The following AWAT2 variants were observed in gnomAD, a reference collection of about 807,000 sequenced individuals.
AWAT2 encodes 11-cis-RE-synthase.
In AWAT2, 9 loss-of-function variants were observed where a neutral mutation model predicts 22.3. That is an observed-to-expected ratio of 0.40 (90% CI 0.24 to 0.70). The LOEUF (loss-of-function observed/expected upper bound fraction) is 0.70, where lower values mean the gene tolerates loss of function less well. AWAT2 is among the 30% of genes least tolerant of loss of function. The pLI is 0.36. For missense variants in AWAT2, 217 were observed against 265.9 expected (o/e 0.82, Z 1.28); for synonymous variants, 100 against 93.4 (o/e 1.07, Z -0.40).
At chrX:70,044,255 G>A in intron 2 of AWAT2, 97 bp downstream of exon 2, 1 of 1,148,018 alleles carries the variant, frequency 8.7e-7, no homozygotes, top group Non-Finnish European at 1.2e-6. Context: ...CAGGCTAAAG[G>A]GCTGTCTGGG....
At chrX:70,044,538 A>G in intron 1 of AWAT2, 76 bp from the exon 2 acceptor site, 8 of 1,151,607 alleles carry the variant, frequency 6.9e-6, no homozygotes, top group Non-Finnish European at 9.3e-6. Context: ...AGTTCTGTCC[A>G]CCCCAAGGTC....
Position 70,041,928 on chromosome X carries a change from A to C in AWAT2, c.882T>G (p.Asn294Lys). The change falls in exon 7 of 8, where the codon AAT (asparagine) becomes AAG (lysine). Residue 294 changes from asparagine (N) to lysine (K), a missense_variant. Coordinates refer to ENST00000276101, the MANE Select transcript of AWAT2 (RefSeq NM_001002254.1). Reference protein sequence around the residue: ...GEPLPMPKIENPSQEIVAKYH... With the variant: ...GEPLPMPKIEKPSQEIVAKYH... ...ATTTAGCCACGATCTCCTGGCTTGG[A>C]TTCTCAATCTTGGGCATTGGTAGAG... 8.3e-7 allele frequency: 1 copy of C among 1,211,393 alleles called. No individual in the cohort carries two copies. The highest frequency in any genetic ancestry group is 1.1e-6 in the Non-Finnish European group (1 of 895,097).
chrX:70,044,844 C>T (rs1489729333), intron 1 of AWAT2, among the ~76,000 whole-genome samples: 1 of 112,598 alleles, frequency 8.9e-6, no homozygotes, highest in East Asian at 2.8e-4. Context: ...CTCCAATTCA[C>T]GTCCTCCTCT....
Position 70,041,881 on chromosome X carries a change from G to T in AWAT2, c.929C>A (p.Ala310Asp). 1 of 1,210,029 alleles carries T rather than the reference G, an allele frequency of 8.3e-7. No homozygotes were observed. Among genetic ancestry groups the T allele is most frequent in the Non-Finnish European group, 1.1e-6 (1 of 893,933 alleles). ...ATGCTGGTCAAACAGTTTACGTAGG[G>T]CATCAATATAGAGTGTGTGATATTT... ...VAKYHTLYID[A>D]LRKLFDQHKT... The change falls in exon 7 of 8, where the codon GCC becomes GAC. Residue 310 changes from alanine to aspartate, a missense_variant. Coordinates refer to ENST00000276101, the MANE Select transcript of AWAT2 (RefSeq NM_001002254.1).
Position 70,043,614 on chromosome X carries a change from A to C in AWAT2, c.336T>G (p.Phe112Leu). Reference sequence around the variant, plus strand: ...CAAAGTGGCCAAACCATCCATGGGCAAAGAGCCCATGAGGGTGGCAGACGA... The same window carrying C: ...CAAAGTGGCCAAACCATCCATGGGCCAAGAGCCCATGAGGGTGGCAGACGA... ...YILVCHPHGL[F>L]AHGWFGHFAT... The change falls in exon 4 of 8, where the codon TTT becomes TTG. Residue 112 changes from phenylalanine to leucine, a missense_variant. Coordinates refer to ENST00000276101, the MANE Select transcript of AWAT2 (RefSeq NM_001002254.1). 1 of 1,210,700 alleles carries C rather than the reference A, an allele frequency of 8.3e-7. No homozygotes were observed.
chrX:70,043,361 G>A lies in AWAT2; in HGVS notation c.472+117C>T, dbSNP rs758856958. 3 of 989,400 alleles carry A rather than the reference G, an allele frequency of 3.0e-6. No homozygotes were observed. The African/African-American group carries it at 5.8e-5, about 19-fold the overall frequency. 81.5% of individuals were successfully genotyped at this position (989,400 alleles called of 1,213,427 possible). A position where few individuals can be genotyped will look rare whatever the true frequency, so the allele number is the denominator to read the frequency against. On this transcript the variant is annotated intron_variant, in intron 4 of 7. Coordinates refer to ENST00000276101, the MANE Select transcript of AWAT2 (RefSeq NM_001002254.1). ...CCTAACATCAGGCAGGTGAGCCTAT[G>A]ATAGCTGTTTCACACCAGAGGGGAT...
chrX:70,047,897 C>T (rs992014407), intron 1 of AWAT2, among the ~76,000 whole-genome samples: 7 of 110,475 alleles, frequency 6.3e-5, no homozygotes, highest in African/African-American at 2.3e-4. Context: ...TCCATTTTGT[C>T]CCTGGACTCA....
At chrX:70,048,689 C>G (rs571697668) in intron 1 of AWAT2, among the ~76,000 whole-genome samples, 2 of 111,784 alleles carry the variant, frequency 1.8e-5, no homozygotes, top group African/African-American at 6.5e-5. Context: ...CAAAATGAGG[C>G]GACAGCTCAT....
intron 1 of AWAT2, among the ~76,000 whole-genome samples, chrX:70,047,482 G>A (rs1476503084): frequency 8.9e-6 from 1 of 111,968 alleles, no homozygotes; most frequent in Admixed American, 9.4e-5. Context: ...TCAAACCTAG[G>A]CAGTGCTGGG....
chrX:70,043,810 G>GA lies in AWAT2; in HGVS notation c.267+115_267+116insT, dbSNP rs201242575. Reference sequence around the variant, plus strand: ...GTTGCCCAATGTGCAACTCCAGGGGGCGTCATTCTCAAGAGGCTCAATGTG... The same window carrying GA: ...GTTGCCCAATGTGCAACTCCAGGGGGACGTCATTCTCAAGAGGCTCAATGTG... On this transcript the variant is annotated intron_variant, in intron 3 of 7. Transcript: ENST00000276101. 8.5e-3 allele frequency: 8,345 copies of GA among 986,873 alleles called. 140 individuals are homozygous for GA. Among genetic ancestry groups the GA allele is most frequent in the African/African-American group, 0.077 (3,961 of 51,735 alleles). 81.3% of individuals were successfully genotyped at this position (986,873 alleles called of 1,213,427 possible).
chrX:70,042,660 G>C, intron 5 of AWAT2: 1 of 429,100 alleles, frequency 2.3e-6, no homozygotes, highest in Non-Finnish European at 4.1e-6. Flanking sequence ...CAAGGGCCAT[G>C]CCAGTTGATT....
chrX:70,044,379 C>A lies in AWAT2; in HGVS notation c.169G>T (p.Ala57Ser). The A allele has an allele frequency of 8.3e-7, 1 of 1,211,602 alleles. No homozygotes were observed. Among genetic ancestry groups the A allele is most frequent in the Non-Finnish European group, 1.1e-6 (1 of 895,439 alleles). ...PVTVLILTWL[A>S]FDWKTPQRGG... ...CGCTGAGGGGTCTTCCAGTCAAAAG[C>A]CAGCCAGGTAAGAATAAGCACAGTG... Residue 57 changes from alanine to serine, a missense_variant, in exon 2 of 8, where the codon GCT becomes TCT. Ala to Ser is a moderately conservative substitution (Grantham distance 99). Coordinates refer to ENST00000276101, the MANE Select transcript of AWAT2 (RefSeq NM_001002254.1).
chrX:70,042,932 G>T, intron 5 of AWAT2, 137 bp downstream of exon 5: 7 of 462,972 alleles, frequency 1.5e-5, no homozygotes, highest in African/African-American at 2.6e-5. Flanking sequence ...TTATCTTTCT[G>T]ATGACCATAG....
chrX:70,041,755 C>T lies in AWAT2; in HGVS notation c.*35+18G>A. 2 of 1,176,353 alleles carry T rather than the reference C, an allele frequency of 1.7e-6. No individual in the cohort carries two copies. Among genetic ancestry groups the T allele is most frequent in the Non-Finnish European group, 2.3e-6 (2 of 870,820 alleles). On this transcript the variant is annotated intron_variant, in intron 7 of 7. Coordinates refer to ENST00000276101, the MANE Select transcript of AWAT2 (RefSeq NM_001002254.1). The stretch of plus-strand genomic sequence containing the variant: ...TAGGTGACTTTTGTCCTCCTGTTCT[C>T]ACTGGGTCCATCCATACCTTCCAGC...
Position 70,043,210 on chromosome X carries a change from A to C in AWAT2, c.506T>G (p.Phe169Cys). Residue 169 changes from phenylalanine to cysteine, a missense_variant, in exon 5 of 8, where the codon TTT becomes TGT. By Grantham distance (205) the Phe-to-Cys change is radical. Coordinates refer to ENST00000276101, the MANE Select transcript of AWAT2 (RefSeq NM_001002254.1). The part of the protein sequence containing the change: ...ACSVSRSSID[F>C]LLTHKGTGNM... ...GCCTGTGCCTTTATGAGTCAGCAGA[A>C]AGTCAATGGAGGATCGACTCACAGA... 1 of 1,206,806 alleles carries C rather than the reference A, an allele frequency of 8.3e-7. No homozygotes were observed. Among genetic ancestry groups the C allele is most frequent in the Non-Finnish European group, 1.1e-6 (1 of 893,100 alleles).
chrX:70,042,803 A>G (rs1470526048), intron 5 of AWAT2: 14 of 387,072 alleles, frequency 3.6e-5, no homozygotes, highest in Admixed American at 9.8e-5. Context: ...CCCTCTGCCC[A>G]TTCTGCTTCA....
At chrX:70,041,646 G>C in intron 7 of AWAT2, 24 bp from the exon 8 acceptor site, 1 of 480,469 alleles carries the variant, frequency 2.1e-6, no homozygotes, top group African/African-American at 2.4e-5. Context: ...AAAGGAGGTG[G>C]GAAAAGGAGT....
chrX:70,046,864 A>G (rs1349889851), intron 1 of AWAT2, among the ~76,000 whole-genome samples: 1 of 111,879 alleles, frequency 8.9e-6, no homozygotes, highest in Admixed American at 9.5e-5. Flanking sequence ...ATTTTGTCAA[A>G]TTGCAATGAT....
In AWAT2 at chrX:70,041,654, A is replaced by T. The variant is rs1227580536; in HGVS notation, c.*36-32T>A. The T allele has an allele frequency of 1.2e-5, 6 of 500,438 alleles. No individual in the cohort carries two copies. The East Asian group carries it at 1.9e-4, about 16-fold the overall frequency. The allele number at this position is 500,438 out of a possible 1,213,427, so 41.2% of individuals were successfully genotyped here. ...GGAAAAAAAAGGAGGTGGGAAAAGG[A>T]GTGCAGAAAACAAGCAAATGAACAA... On this transcript the variant is annotated intron_variant, in intron 7 of 7. Transcript: ENST00000276101.
Sources: allele counts gnomAD v4.1 joint callset (sites outside exome capture counted in the v4.1 genomes callset), GRCh38; gene constraint gnomAD v4.1.1; transcripts MANE v1.5; gene names NCBI Gene and HGNC (gene_info 2026-07-23, HGNC 2026-07-21).